COL11A1: variants seen among roughly 807,000 people sequenced by gnomAD.
COL11A1 encodes the protein collagen type XI alpha 1 chain.
In COL11A1, 74 loss-of-function variants were observed where a neutral mutation model predicts 265.2. The observed-to-expected ratio is 0.28, with a 90% confidence interval of 0.23 to 0.34. The LOEUF (loss-of-function observed/expected upper bound fraction) is 0.34. COL11A1 is among the 10% of genes least tolerant of loss of function. The pLI is 1.00. For missense variants in COL11A1, 2,165 were observed against 2,263.6 expected (o/e 0.96, Z 0.88); for synonymous variants, 816 against 727.6 (o/e 1.12, Z -1.96).
rs766726398 is a variant in COL11A1 at position 103,008,467 on chromosome 1, G to A, written c.1679C>T (p.Pro560Leu). The change falls in exon 15 of 67, where the codon CCT (proline) becomes CTT (leucine). Residue 560 changes from proline to leucine, a missense_variant. Transcript: ENST00000370096. ...AGTCAAATTTTTATTTTTTACCTGA[G>A]GACCTGGATCACCACTCTCACCTTT... The part of the protein sequence containing the change: ...GAKGESGDPG[P>L]QGPRGVQGPP... 1.2e-6 allele frequency: 2 copies of A among 1,613,600 alleles called. No individual in the cohort carries two copies. Among genetic ancestry groups the A allele is most frequent in the East Asian group, 2.2e-5 (1 of 44,822 alleles).
chr1:103,033,623 A>G (rs191841936), intron 4 of COL11A1, among the ~76,000 whole-genome samples: 59 of 152,194 alleles, frequency 3.9e-4, no homozygotes, highest in African/African-American at 1.4e-3. Context: ...TTTTTAATCT[A>G]AAAAGAGAAA....
Position 103,002,770 on chromosome 1 carries a change from G to A in COL11A1, c.2020C>T (p.Pro674Ser), listed in dbSNP as rs201849355. The change falls in exon 22 of 67, where the codon CCC (proline) becomes TCC (serine). Residue 674 changes from proline to serine, a missense_variant. Physicochemically the swap from Pro to Ser is moderately conservative, Grantham distance 74. Transcript: ENST00000370096. The stretch of plus-strand genomic sequence containing the variant: ...ACCATGTTCCCTTTTGGTCCTGGGG[G>A]GCCATCTACACCTGCCATACCCTGC... ...GQPGMAGVDG[P>S]PGPKGNMGPQ... 251 of 1,612,516 alleles carry A rather than the reference G, an allele frequency of 1.6e-4. No homozygotes were observed. The highest frequency in any genetic ancestry group is 1.9e-4 in the Non-Finnish European group (226 of 1,179,094).
Position 103,004,471 on chromosome 1 carries a change from A to T in COL11A1, c.1917T>A (p.Ile639=), listed in dbSNP as rs199603326. 6.2e-7 allele frequency: 1 copy of T among 1,612,164 alleles called. No homozygotes were observed. Among genetic ancestry groups the T allele is most frequent in the East Asian group, 2.2e-5 (1 of 44,796 alleles). The change falls in exon 20 of 67, where the codon ATT becomes ATA. Residue 639 remains isoleucine, a synonymous_variant. Coordinates refer to ENST00000370096, the MANE Select transcript of COL11A1 (RefSeq NM_001854.4). ...DDGMRGEDGE[I]GPRGLPGEAG... ...CTTCACCTGGAAGACCTCTTGGTCC[A>T]ATTTCTCCATCTTCTCCCTGTCATT...
At chr1:102,988,268 C>T (rs2615975) in intron 29 of COL11A1, among the ~76,000 whole-genome samples, 35,542 of 151,958 alleles carry the variant, frequency 0.23, 4,372 homozygotes, top group African/African-American at 0.28. Flanking sequence ...ATTTTCCATA[C>T]CCCTATGATT....
At chr1:102,935,172 T>C (rs2101223529) in intron 44 of COL11A1, 59 bp from the exon 45 acceptor site, 1 of 1,411,114 alleles carries the variant, frequency 7.1e-7, no homozygotes, top group Non-Finnish European at 1.0e-6. Context: ...CTCAGCCATA[T>C]GAAACAGAAC....
chr1:102,917,302 A>G (rs1039527690), intron 49 of COL11A1, among the ~76,000 whole-genome samples: 2 of 151,942 alleles, frequency 1.3e-5, no homozygotes, highest in Non-Finnish European at 2.9e-5. Context: ...GAATTAAACT[A>G]GACTCCTATC....
chr1:102,898,005 C>G, intron 57 of COL11A1, 120 bp downstream of exon 57: 1 of 482,946 alleles, frequency 2.1e-6, no homozygotes. Flanking sequence ...TAATATACTT[C>G]TTGGACTATT....
intron 44 of COL11A1, among the ~76,000 whole-genome samples, chr1:102,938,198 C>T (rs1658348759): frequency 6.6e-6 from 1 of 151,860 alleles, no homozygotes; most frequent in Non-Finnish European, 1.5e-5. Flanking sequence ...GGCAGTAAAT[C>T]CAACCCTAAA....
intron 46 of COL11A1, among the ~76,000 whole-genome samples, chr1:102,929,633 G>T (rs1016731821): frequency 1.1e-4 from 16 of 151,906 alleles, no homozygotes; most frequent in African/African-American, 3.9e-4. Context: ...GTGAAGAAAG[G>T]CATTGGTAGC....
intron 26 of COL11A1, 136 bp from the exon 27 acceptor site, chr1:102,996,178 GTTTACTC>G: frequency 1.2e-6 from 1 of 828,296 alleles, no homozygotes. Context: ...CTTTTTGGTA[GTTTACTC>G]TTTATTTCTA....
At chr1:103,019,439 T>A (rs1455536819) in intron 9 of COL11A1, among the ~76,000 whole-genome samples, 1 of 152,148 alleles carries the variant, frequency 6.6e-6, no homozygotes, top group Non-Finnish European at 1.5e-5. Flanking sequence ...AAAGCTATAA[T>A]GTCATTTAAA....
At chr1:103,029,386 T>G (rs2065922) in intron 5 of COL11A1, among the ~76,000 whole-genome samples, 90,333 of 151,622 alleles carry the variant, frequency 0.6, 29,286 homozygotes, top group East Asian at 0.91. Context: ...GATGAATTAT[T>G]TATATGCGTT....
chr1:103,048,499 A>G (rs1669503934), intron 4 of COL11A1, among the ~76,000 whole-genome samples: 1 of 151,694 alleles, frequency 6.6e-6, no homozygotes, highest in South Asian at 2.1e-4. Flanking sequence ...TTTCTTCTTT[A>G]TTAGTCTTGC....
At chr1:103,078,382 T>C (rs1247248920) in intron 3 of COL11A1, among the ~76,000 whole-genome samples, 2 of 152,092 alleles carry the variant, frequency 1.3e-5, no homozygotes, top group South Asian at 2.1e-4. Flanking sequence ...TTCTTAAAAC[T>C]ACCCACCCCA....
At chr1:102,957,035 T>C (rs892770087) in intron 41 of COL11A1, among the ~76,000 whole-genome samples, 1 of 151,942 alleles carries the variant, frequency 6.6e-6, no homozygotes, top group African/African-American at 2.4e-5. Context: ...TAAAGCAATA[T>C]CCCATATCTT....
chr1:102,885,464 T>C (rs1570625419), intron 63 of COL11A1, among the ~76,000 whole-genome samples: 1 of 152,154 alleles, frequency 6.6e-6, no homozygotes, highest in East Asian at 1.9e-4. Flanking sequence ...CTCTAAACAA[T>C]GCAATATCAA....
chr1:102,887,204 A>T (rs1303057791), intron 62 of COL11A1, 148 bp from the exon 63 acceptor site: 9 of 873,044 alleles, frequency 1.0e-5, no homozygotes, highest in Non-Finnish European at 1.6e-5. Flanking sequence ...GGATAAGTTT[A>T]TAAATATATA....
Position 103,002,867 on chromosome 1 carries a change from A to G in COL11A1, c.1999-76T>C. ...ACAGAAAATCAAAAAGACTAATCTAATATCATGATATTCACTACCCTAAGC... is the reference window on the plus strand; with the variant it reads ...ACAGAAAATCAAAAAGACTAATCTAGTATCATGATATTCACTACCCTAAGC... On this transcript the variant is annotated intron_variant, in intron 21 of 66. Coordinates refer to ENST00000370096, the MANE Select transcript of COL11A1 (RefSeq NM_001854.4). The G allele has an allele frequency of 3.1e-6, 4 of 1,309,548 alleles. No homozygotes were observed. In the South Asian group the frequency reaches 3.6e-5, roughly 12 times the overall value. 81.1% of individuals were successfully genotyped at this position (1,309,548 alleles called of 1,614,324 possible).
intron 1 of COL11A1, among the ~76,000 whole-genome samples, chr1:103,095,309 G>C (rs1673663029): frequency 6.6e-6 from 1 of 151,884 alleles, no homozygotes; most frequent in Non-Finnish European, 1.5e-5. Flanking sequence ...CACAAACTCA[G>C]TATCTTTAAA....
Sources: allele counts gnomAD v4.1 joint callset (sites outside exome capture counted in the v4.1 genomes callset), GRCh38; gene constraint gnomAD v4.1.1; transcripts MANE v1.5; gene names NCBI Gene and HGNC (gene_info 2026-07-23, HGNC 2026-07-21).